Variants in MYO5B observed in about 807,000 individuals in gnomAD.
MYO5B encodes unconventional myosin-Vb.
MYO5B carries 143 observed loss-of-function variants against 229.3 expected under a neutral mutation model. The observed-to-expected ratio is 0.62, with a 90% CI of 0.54 to 0.72. MYO5B has a LOEUF of 0.72. Among genes scored for constraint, MYO5B ranks in the 30% least tolerant of loss-of-function variants. The probability of loss-of-function intolerance (pLI) is 0.00; values close to 1 mark genes in which losing one functional copy is unlikely to be tolerated. For synonymous variants in MYO5B, 918 were observed against 885.2 expected (o/e 1.04, Z -0.66); for missense variants, 2,321 against 2,331.0 (o/e 1.00, Z 0.09).
intron 4 of MYO5B, among the ~76,000 whole-genome samples, chr18:50,009,256 T>C (rs1398088031): frequency 2.0e-5 from 3 of 152,098 alleles, no homozygotes; most frequent in Non-Finnish European, 2.9e-5. Context: ...TGGGTGCTTG[T>C]AATCCCAGCT....
At chr18:50,178,505 C>G (rs1239683044) in intron 1 of MYO5B, among the ~76,000 whole-genome samples, 1 of 152,144 alleles carries the variant, frequency 6.6e-6, no homozygotes, top group Non-Finnish European at 1.5e-5. Flanking sequence ...AACAACTGAC[C>G]CCCTAGCAAA....
chr18:50,100,985 T>A (rs12966804), intron 1 of MYO5B, among the ~76,000 whole-genome samples: 3 of 152,128 alleles, frequency 2.0e-5, no homozygotes, highest in African/African-American at 4.8e-5. Context: ...AGACCACAGG[T>A]CCGGGGAAGG....
In MYO5B at chr18:50,067,388, C is replaced by T. The variant is rs192639806; in HGVS notation, c.28-12010G>A. On this transcript the variant is annotated intron_variant, in intron 1 of 39. Coordinates refer to ENST00000285039, the MANE Select transcript of MYO5B (RefSeq NM_001080467.3). The stretch of plus-strand genomic sequence containing the variant: ...CTTCCTTCAACCCAAACCTGAGCAG[C>T]ATGTACACACCCATCAGATGAGCGG... 4.6e-4 allele frequency among the ~76,000 whole-genome samples: 70 copies of T among 152,314 alleles called. 1 individual carries two copies. Among genetic ancestry groups the T allele is most frequent in the African/African-American group, 1.6e-3 (68 of 41,554 alleles).
chr18:49,936,927 C>T (rs1002100530), intron 15 of MYO5B, among the ~76,000 whole-genome samples: 1 of 152,158 alleles, frequency 6.6e-6, no homozygotes, highest in South Asian at 2.1e-4. Context: ...CCTTAAGCCT[C>T]CTCTCTAACC....
At chr18:49,916,271 G>A (rs1005172053) in intron 17 of MYO5B, among the ~76,000 whole-genome samples, 1 of 152,230 alleles carries the variant, frequency 6.6e-6, no homozygotes, top group Non-Finnish European at 1.5e-5. Context: ...GAAATTACTA[G>A]AGTGAGGAGC....
At position 50,098,979 on chromosome 18, in the gene MYO5B, G is replaced by T. The variant is rs148722463; in HGVS notation, c.28-43601C>A. On this transcript the variant is annotated intron_variant, in intron 1 of 39. Transcript: ENST00000285039. ...CCTTTATACTCCCCTGAATGAATCTGAAGAACAGATTAAAACGGCCTTTAT... is the reference window on the plus strand; with the variant it reads ...CCTTTATACTCCCCTGAATGAATCTTAAGAACAGATTAAAACGGCCTTTAT... The T allele has an allele frequency of 4.7e-3, 715 of 153,092 alleles. 5 individuals carry two copies. Among genetic ancestry groups the T allele is most frequent in the African/African-American group, 0.016 (665 of 41,568 alleles). 9.5% of individuals were successfully genotyped at this position (153,092 alleles called of 1,614,324 possible).
chr18:49,872,194 A>C lies in MYO5B; in HGVS notation c.3576T>G (p.Asn1192Lys), dbSNP rs1319978726. The C allele has an allele frequency of 2.5e-6, 4 of 1,613,994 alleles. No individual in the cohort carries two copies. Among genetic ancestry groups the C allele is most frequent in the Non-Finnish European group, 3.4e-6 (4 of 1,179,998 alleles). ...PPQTDIDLDP[N>K]ADLAYNSLKR... ...TCAGACTATTGTAGGCCAGATCTGCATTCGGGTCCAAATCTATGTCAGTCT... is the reference window on the plus strand; with the variant it reads ...TCAGACTATTGTAGGCCAGATCTGCCTTCGGGTCCAAATCTATGTCAGTCT... Residue 1192 changes from asparagine (N) to lysine (K), a missense_variant, in exon 27 of 40, where the codon AAT becomes AAG. This residue lies in a region of MYO5B where 2,113 missense variants were observed against 2,044.7 expected (regional missense o/e 1.03). Coordinates refer to ENST00000285039, the MANE Select transcript of MYO5B (RefSeq NM_001080467.3).
Position 49,992,353 on chromosome 18 carries a change from T to C in MYO5B, c.691A>G (p.Arg231Gly). ...GKYIQIGFDKRYHIIGANMRT... is the reference protein window; with the variant it reads ...GKYIQIGFDKGYHIIGANMRT... Reference sequence around the variant, plus strand: ...ATGTTGGCCCCGATGATGTGGTACCTTTTGTCAAAGCCAATCTGGATGTAC... The same window carrying C: ...ATGTTGGCCCCGATGATGTGGTACCCTTTGTCAAAGCCAATCTGGATGTAC... The change falls in exon 6 of 40, where the codon AGG becomes GGG. Residue 231 changes from arginine (R) to glycine (G), a missense_variant. Coordinates refer to ENST00000285039, the MANE Select transcript of MYO5B (RefSeq NM_001080467.3). 6.2e-7 allele frequency: 1 copy of C among 1,614,194 alleles called. No individual in the cohort carries two copies. Among genetic ancestry groups the C allele is most frequent in the Non-Finnish European group, 8.5e-7 (1 of 1,180,030 alleles).
chr18:50,188,872 G>A (rs2033190397), intron 1 of MYO5B, among the ~76,000 whole-genome samples: 1 of 150,174 alleles, frequency 6.7e-6, no homozygotes, highest in Admixed American at 6.6e-5. Flanking sequence ...AATGATTACA[G>A]GTTACAGGCC....
At chr18:49,892,762 G>T (rs2024730206) in intron 22 of MYO5B, among the ~76,000 whole-genome samples, 1 of 152,160 alleles carries the variant, frequency 6.6e-6, no homozygotes, top group African/African-American at 2.4e-5. Context: ...AAGAATGTTT[G>T]CTTCCACTTT....
chr18:49,859,496 C>A (rs1034211563), intron 29 of MYO5B, among the ~76,000 whole-genome samples: 4 of 152,200 alleles, frequency 2.6e-5, no homozygotes, highest in African/African-American at 9.7e-5. Context: ...CCACAGACAG[C>A]CTAACTTCTT....
chr18:50,093,622 C>G (rs559384130), intron 1 of MYO5B, among the ~76,000 whole-genome samples: 5 of 152,158 alleles, frequency 3.3e-5, no homozygotes, highest in African/African-American at 1.2e-4. Flanking sequence ...GAGGTCAGCA[C>G]CAGATACAGG....
intron 1 of MYO5B, among the ~76,000 whole-genome samples, chr18:50,167,879 A>C (rs2032875657): frequency 6.6e-6 from 1 of 152,188 alleles, no homozygotes; most frequent in African/African-American, 2.4e-5. Context: ...TAAGGCAAAA[A>C]CACTTTCCTA....
chr18:49,908,652 C>G (rs1020896723), intron 18 of MYO5B, among the ~76,000 whole-genome samples: 1 of 152,170 alleles, frequency 6.6e-6, no homozygotes, highest in East Asian at 1.9e-4. Context: ...TACACTCCTT[C>G]GCCACTGTGA....
chr18:50,088,122 C>T (rs905042942), intron 1 of MYO5B, among the ~76,000 whole-genome samples: 1 of 152,112 alleles, frequency 6.6e-6, no homozygotes, highest in Admixed American at 6.6e-5. Flanking sequence ...GCGGCAGGAC[C>T]GGTGTGGGGT....
rs2024903121 is a variant in MYO5B, at chr18:49,906,636, C to A, written c.2203-6G>T. The stretch of plus-strand genomic sequence containing the variant: ...AACTGGAACTTGTCGGGGTCCTTTA[C>A]AAGGTAGGGAGGGGATCTGGTTGGT... On this transcript the variant is annotated splice_polypyrimidine_tract_variant and splice_region_variant and intron_variant, in intron 18 of 39. Coordinates refer to ENST00000285039, the MANE Select transcript of MYO5B (RefSeq NM_001080467.3). The A allele has an allele frequency of 6.2e-7, 1 of 1,612,386 alleles. No homozygotes were observed. The highest frequency in any genetic ancestry group is 2.2e-5 in the East Asian group (1 of 44,854).
chr18:50,010,370 C>T (rs535200863), intron 4 of MYO5B, among the ~76,000 whole-genome samples: 3 of 152,264 alleles, frequency 2.0e-5, no homozygotes, highest in Admixed American at 6.5e-5. Flanking sequence ...AGAAAGAACC[C>T]GGGGAGTGCC....
chr18:50,041,420 G>A (rs1034447717), intron 2 of MYO5B, among the ~76,000 whole-genome samples: 2 of 152,176 alleles, frequency 1.3e-5, no homozygotes, highest in African/African-American at 4.8e-5. Flanking sequence ...AAATGTTAAG[G>A]TATATTAACA....
chr18:49,902,590 T>C lies in MYO5B; in HGVS notation c.2811+4A>G, dbSNP rs772614726. 1.2e-6 allele frequency: 2 copies of C among 1,611,196 alleles called. No homozygotes were observed. Among genetic ancestry groups the C allele is most frequent in the South Asian group, 2.2e-5 (2 of 91,066 alleles). The stretch of plus-strand genomic sequence containing the variant: ...CACCCAGGTAGGGAGCTGCAGACAC[T>C]GACCTGCTCATCGATCTTCCGCTGC... On this transcript the variant is annotated splice_donor_region_variant and intron_variant, in intron 21 of 39. Coordinates refer to ENST00000285039, the MANE Select transcript of MYO5B (RefSeq NM_001080467.3).
Sources: allele counts gnomAD v4.1 joint callset (sites outside exome capture counted in the v4.1 genomes callset), GRCh38; gene constraint gnomAD v4.1.1; regional missense constraint gnomAD v4.1.1; transcripts MANE v1.5; gene names NCBI Gene and HGNC (gene_info 2026-07-23, HGNC 2026-07-21).